The following CUX2 variants were observed in gnomAD, a reference collection of about 807,000 sequenced individuals.
The protein encoded by CUX2 is homeobox protein cut-like 2.
Under a neutral mutation model 144.8 loss-of-function variants are expected in CUX2, and 40 were observed. The ratio of observed to expected loss-of-function variants is 0.28; its 90% CI spans 0.21 to 0.36. CUX2 has a LOEUF of 0.36. Ranked by LOEUF, CUX2 falls within the 10% of genes least tolerant of loss-of-function variation. CUX2 has a pLI of 1.00. For synonymous variants in CUX2, 827 were observed against 875.6 expected, an observed-to-expected ratio of 0.94 and a Z score of 0.98; for missense variants, 1,615 against 1,994.0, an observed-to-expected ratio of 0.81 and a Z score of 3.62.
chr12:111,174,502 G>A (rs1292984049), intron 1 of CUX2, among the ~76,000 whole-genome samples: 1 of 152,254 alleles, frequency 6.6e-6, no homozygotes, highest in African/African-American at 2.4e-5. Flanking sequence ...GCAGCCCCTA[G>A]TTGGATACAC....
chr12:111,320,868 G>C lies in CUX2; in HGVS notation c.2766+93G>C. ...CCAAGCAGGCTGGCGGGACCCCAGG[G>C]GCCCAGGCCCTTCATTCCTGAGTCC... is the stretch of plus-strand genomic sequence containing the variant. On this transcript the variant is annotated intron_variant, in intron 17 of 21. Coordinates refer to ENST00000261726, the MANE Select transcript of CUX2 (RefSeq NM_015267.4). This position sits in a 1 kb window ranked among gnomAD's most constrained non-coding sequence, Gnocchi z 8.1. The C allele has an allele frequency of 7.6e-7, 1 of 1,319,072 alleles. No homozygotes were observed. Among genetic ancestry groups the C allele is most frequent in the African/African-American group, 1.5e-5 (1 of 64,908 alleles). 81.7% of individuals were successfully genotyped at this position (1,319,072 alleles called of 1,614,324 possible).
chr12:111,134,544 C>T (rs568363796), intron 1 of CUX2, among the ~76,000 whole-genome samples: 7 of 151,804 alleles, frequency 4.6e-5, no homozygotes, highest in African/African-American at 1.7e-4. Context: ...ACTCCTGGTG[C>T]CAAAATCTGT....
chr12:111,218,005 A>C, intron 3 of CUX2, 68 bp downstream of exon 3: 1 of 1,571,708 alleles, frequency 6.4e-7, no homozygotes, highest in Admixed American at 1.7e-5. Flanking sequence ...TCCCACCTAG[A>C]GTTGCCCAGG....
intron 1 of CUX2, among the ~76,000 whole-genome samples, chr12:111,052,320 T>A (rs11832451): frequency 0.04 from 6,015 of 152,146 alleles, 414 homozygotes; most frequent in African/African-American, 0.14. Context: ...GGGTTACTGA[T>A]GAACACCGGC....
Position 111,190,058 on chromosome 12 carries a change from T to G in CUX2, c.64-24142T>G, listed in dbSNP as rs2136192851. ...CACTATCTCCTTGTGGCTTAAATTTTCATTTCCTTGGTGACAGATGAGGTT... is the reference window on the plus strand; with the variant it reads ...CACTATCTCCTTGTGGCTTAAATTTGCATTTCCTTGGTGACAGATGAGGTT... On this transcript the variant is annotated intron_variant, in intron 1 of 21. Transcript: ENST00000261726. This position sits in a 1 kb window ranked among gnomAD's most constrained non-coding sequence, Gnocchi z 4.0. 6.6e-6 allele frequency among the ~76,000 whole-genome samples: 1 copy of G among 152,346 alleles called. No individual in the cohort carries two copies. The highest frequency in any genetic ancestry group is 1.5e-5 in the Non-Finnish European group (1 of 68,034).
At chr12:111,114,025 G>A (rs946535833) in intron 1 of CUX2, among the ~76,000 whole-genome samples, 1 of 152,198 alleles carries the variant, frequency 6.6e-6, no homozygotes, top group African/African-American at 2.4e-5. Context: ...GTTTCTACCA[G>A]TTTCAAATAA....
chr12:111,158,803 C>T (rs552568181), intron 1 of CUX2, among the ~76,000 whole-genome samples: 16 of 152,244 alleles, frequency 1.1e-4, no homozygotes, highest in African/African-American at 2.4e-4. Flanking sequence ...ATTTTTGGCC[C>T]GGTCAGCCCA....
intron 1 of CUX2, among the ~76,000 whole-genome samples, chr12:111,162,921 C>T (rs1488256871): frequency 1.3e-5 from 2 of 152,062 alleles, no homozygotes; most frequent in African/African-American, 4.8e-5. Context: ...TGGCAGGTGC[C>T]TGTAATCCCA....
chr12:111,206,937 G>T (rs1157217101), intron 1 of CUX2, among the ~76,000 whole-genome samples: 1 of 152,214 alleles, frequency 6.6e-6, no homozygotes, highest in Non-Finnish European at 1.5e-5. Context: ...GTAGATAGAT[G>T]TATGATTGGA....
chr12:111,132,721 C>G (rs1341798887), intron 1 of CUX2, among the ~76,000 whole-genome samples: 3 of 151,740 alleles, frequency 2.0e-5, no homozygotes, highest in Admixed American at 2.0e-4. Flanking sequence ...CATCCACCAC[C>G]ACGCCCAGCT....
At chr12:111,155,042 A>T (rs1215935269) in intron 1 of CUX2, among the ~76,000 whole-genome samples, 1 of 152,228 alleles carries the variant, frequency 6.6e-6, no homozygotes, top group African/African-American at 2.4e-5. Flanking sequence ...ATAAGAACAT[A>T]TCTACCTTAA....
rs1883518269 is a variant in CUX2 at position 111,250,647 on chromosome 12, G to A, written c.223-13114G>A. Among the ~76,000 whole-genome samples the A allele has an allele frequency of 2.6e-5, 4 of 152,214 alleles. No individual in the cohort carries two copies. The South Asian group carries it at 8.3e-4, about 32-fold the overall frequency. ...CACAGGGGGCTGGTGGCAATTGTCT[G>A]TGGTTTGTTCCTCTGGGAGGAGGTG... On this transcript the variant is annotated intron_variant, in intron 3 of 21. Coordinates refer to ENST00000261726, the MANE Select transcript of CUX2 (RefSeq NM_015267.4).
intron 1 of CUX2, among the ~76,000 whole-genome samples, chr12:111,194,887 A>G (rs551325375): frequency 4.6e-5 from 7 of 152,312 alleles, no homozygotes; most frequent in East Asian, 1.9e-4. Context: ...GGTTGTGTCT[A>G]TCTGGGGACC....
intron 2 of CUX2, among the ~76,000 whole-genome samples, 197 bp downstream of exon 2, chr12:111,214,507 C>A (rs1178701566): frequency 2.6e-5 from 4 of 152,128 alleles, no homozygotes; most frequent in African/African-American, 9.7e-5. Flanking sequence ...GAAGGGAGGG[C>A]GGGGCGTTTC....
Position 111,171,238 on chromosome 12 carries a change from C to T in CUX2, c.64-42962C>T, listed in dbSNP as rs865980190. 9.9e-5 allele frequency among the ~76,000 whole-genome samples: 15 copies of T among 152,102 alleles called. No homozygotes were observed. Among genetic ancestry groups the T allele is most frequent in the African/African-American group, 3.1e-4 (13 of 41,408 alleles). On this transcript the variant is annotated intron_variant, in intron 1 of 21. Transcript: ENST00000261726. The surrounding 1 kb of genome is among the most constrained non-coding windows in gnomAD (Gnocchi z 5.0). ...ATGGAAGGAAAGCCTCGAGTTTGAC[C>T]TTCACACACACCTTGACCTTGTTGG...
At chr12:111,097,654 G>A (rs548470043) in intron 1 of CUX2, among the ~76,000 whole-genome samples, 4 of 152,154 alleles carry the variant, frequency 2.6e-5, no homozygotes, top group Non-Finnish European at 4.4e-5. Flanking sequence ...CAGACCACCC[G>A]TGACTGCACA....
At chr12:111,341,025 C>T (rs1236458560) in intron 20 of CUX2, among the ~76,000 whole-genome samples, 3 of 152,116 alleles carry the variant, frequency 2.0e-5, no homozygotes, top group East Asian at 1.9e-4. Context: ...AAACTGCTGG[C>T]GAGCGTACCC....
intron 1 of CUX2, among the ~76,000 whole-genome samples, chr12:111,213,981 G>A (rs1468547814): frequency 1.3e-5 from 2 of 151,516 alleles, no homozygotes; most frequent in Non-Finnish European, 2.9e-5. Flanking sequence ...CCTGACTTCC[G>A]ACGAGCAAAA....
chr12:111,334,727 A>G lies in CUX2; in HGVS notation c.3196+17A>G. Reference sequence around the variant, plus strand: ...ACAATCTAGGTACGGAGCGGGTGGGAATCGGAGAGGCTGCCTCCCACCTGG... The same window carrying G: ...ACAATCTAGGTACGGAGCGGGTGGGGATCGGAGAGGCTGCCTCCCACCTGG... On this transcript the variant is annotated intron_variant, in intron 19 of 21. Transcript: ENST00000261726. The G allele has an allele frequency of 6.4e-7, 1 of 1,572,526 alleles. No homozygotes were observed. The highest frequency in any genetic ancestry group is 8.6e-7 in the Non-Finnish European group (1 of 1,156,954).
Sources: gnomAD v4.1 joint callset for allele counts (sites outside exome capture counted in the v4.1 genomes callset) on GRCh38, gnomAD v4.1.1 for gene constraint, Gnocchi (gnomAD v3.1) non-coding constraint, MANE v1.5 for transcripts, NCBI Gene and HGNC (gene_info 2026-07-23, HGNC 2026-07-21) for gene names.